Variants in SH3BGRL2 observed in about 807,000 individuals in gnomAD.
The protein encoded by SH3BGRL2 is SH3 domain-binding glutamic acid-rich-like protein 2.
In SH3BGRL2, 21 loss-of-function variants were observed where a neutral mutation model predicts 14.8. That is an observed-to-expected ratio of 1.42 (90% CI 1.01 to 2.05). The LOEUF is 2.05. SH3BGRL2 is among the 30% of genes most tolerant of loss of function. The pLI, the probability that SH3BGRL2 is intolerant of heterozygous loss-of-function variation, is 0.00. For missense variants in SH3BGRL2, 147 were observed against 130.8 expected, an observed-to-expected ratio of 1.12 and a Z score of -0.61; for synonymous variants, 50 against 47.8, an observed-to-expected ratio of 1.05 and a Z score of -0.19.
At chr6:79,594,153 T>G in the SH3BGRL2 span, among the ~76,000 whole-genome samples, 3 of 152,180 alleles carry the variant, frequency 2.0e-5, no homozygotes, top group African/African-American at 4.8e-5. Flanking sequence ...TATTATAATT[T>G]AAAATGTTTT....
chr6:79,596,463 T>C, the SH3BGRL2 span, among the ~76,000 whole-genome samples: 2 of 151,574 alleles, frequency 1.3e-5, no homozygotes, highest in Non-Finnish European at 2.9e-5. Flanking sequence ...GCTGATTTGT[T>C]AAAAATTTTT....
the SH3BGRL2 span, among the ~76,000 whole-genome samples, chr6:79,582,536 A>G: frequency 3.3e-5 from 5 of 152,344 alleles, no homozygotes; most frequent in African/African-American, 1.2e-4. Context: ...GCAATGGGAA[A>G]AGGATTCCCT....
At chr6:79,593,834 T>C in the SH3BGRL2 span, among the ~76,000 whole-genome samples, 1 of 152,094 alleles carries the variant, frequency 6.6e-6, no homozygotes, top group African/African-American at 2.4e-5. Flanking sequence ...CCATTTACAA[T>C]CAGCCATCTC....
intron 1 of SH3BGRL2, among the ~76,000 whole-genome samples, chr6:79,657,971 G>A (rs1252574674): frequency 2.0e-5 from 3 of 152,112 alleles, no homozygotes; most frequent in African/African-American, 4.8e-5. Context: ...TTTGTTAGTA[G>A]TGGATTAGAT....
chr6:79,606,856 A>C, the SH3BGRL2 span, among the ~76,000 whole-genome samples: 5 of 151,962 alleles, frequency 3.3e-5, no homozygotes, highest in East Asian at 9.6e-4. Flanking sequence ...TTTCAGCTTT[A>C]GACATTCATT....
the SH3BGRL2 span, among the ~76,000 whole-genome samples, chr6:79,578,019 T>G: frequency 6.6e-6 from 1 of 152,344 alleles, no homozygotes; most frequent in South Asian, 2.1e-4. Context: ...TGCACACTGC[T>G]AGCGCAGCAG....
chr6:79,698,130 C>T (rs1770370324), intron 3 of SH3BGRL2, among the ~76,000 whole-genome samples: 1 of 152,048 alleles, frequency 6.6e-6, no homozygotes, highest in Non-Finnish European at 1.5e-5. Context: ...CCCCATTCAG[C>T]CCACCGTTTT....
chr6:79,694,436 A>T (rs1198400755), intron 2 of SH3BGRL2, among the ~76,000 whole-genome samples: 1 of 152,070 alleles, frequency 6.6e-6, no homozygotes, highest in African/African-American at 2.4e-5. Context: ...AGAATGTAAC[A>T]TTTTCAGTCC....
intron 1 of SH3BGRL2, among the ~76,000 whole-genome samples, chr6:79,660,050 G>A (rs868191597): frequency 6.6e-6 from 1 of 152,164 alleles, no homozygotes; most frequent in Non-Finnish European, 1.5e-5. Flanking sequence ...CTGAGACGAT[G>A]GGGTTTTCTA....
chr6:79,579,112 A>G, the SH3BGRL2 span, among the ~76,000 whole-genome samples: 3 of 152,304 alleles, frequency 2.0e-5, no homozygotes, highest in East Asian at 5.8e-4. Context: ...AAAAAAGAGT[A>G]AAAAGAAACA....
the SH3BGRL2 span, among the ~76,000 whole-genome samples, chr6:79,610,456 A>C: frequency 6.6e-6 from 1 of 152,216 alleles, no homozygotes; most frequent in Admixed American, 6.5e-5. Context: ...TGCCTTACGC[A>C]CAACAGGGCC....
chr6:79,630,179 C>A (rs1483117349), upstream of SH3BGRL2, among the ~76,000 whole-genome samples: 1 of 152,104 alleles, frequency 6.6e-6, no homozygotes, highest in African/African-American at 2.4e-5. Flanking sequence ...ACAGAAATGG[C>A]TTTAAGAAAA....
At chr6:79,555,680 T>G in the SH3BGRL2 span, among the ~76,000 whole-genome samples, 1 of 152,094 alleles carries the variant, frequency 6.6e-6, no homozygotes, top group Non-Finnish European at 1.5e-5. Context: ...CAGCTAATTT[T>G]TGTATTTTTA....
At position 79,671,747 on chromosome 6, in the gene SH3BGRL2, TGTTTCTCTAA is replaced by T. The variant is rs541010514; in HGVS notation, c.46-1863_46-1854del. The stretch of plus-strand genomic sequence containing the variant: ...CTGGGCCCCGCCCAGTAGGCTGATG[TGTTTCTCTAA>T]GTTCCTGCTTCCTGAACTGCCTGCC... On this transcript the variant is annotated intron_variant, in intron 1 of 3. Coordinates refer to ENST00000369838, the MANE Select transcript of SH3BGRL2 (RefSeq NM_031469.4). 1.6e-3 allele frequency among the ~76,000 whole-genome samples: 244 copies of T among 152,328 alleles called. 1 individual carries two copies. The highest frequency in any genetic ancestry group is 5.7e-3 in the African/African-American group (235 of 41,574).
the SH3BGRL2 span, among the ~76,000 whole-genome samples, chr6:79,596,295 G>T: frequency 6.6e-6 from 1 of 152,108 alleles, no homozygotes; most frequent in Non-Finnish European, 1.5e-5. Flanking sequence ...AAGTAGCTGG[G>T]ACTACAGGCA....
At chr6:79,640,226 G>A (rs1769003436) in intron 1 of SH3BGRL2, among the ~76,000 whole-genome samples, 2 of 152,122 alleles carry the variant, frequency 1.3e-5, no homozygotes, top group African/African-American at 4.8e-5. Flanking sequence ...TTTCCCTTCT[G>A]TCTCCCTCTC....
chr6:79,639,596 A>G (rs1768992313), intron 1 of SH3BGRL2, among the ~76,000 whole-genome samples: 1 of 152,166 alleles, frequency 6.6e-6, no homozygotes, highest in African/African-American at 2.4e-5. Flanking sequence ...TCTCAGACAA[A>G]CAAACCCCAA....
the SH3BGRL2 span, among the ~76,000 whole-genome samples, chr6:79,573,101 T>C: frequency 1.3e-5 from 2 of 152,346 alleles, no homozygotes; most frequent in African/African-American, 2.4e-5. Context: ...AATATTCTTC[T>C]ATACTTTATT....
chr6:79,582,560 T>G, the SH3BGRL2 span, among the ~76,000 whole-genome samples: 18 of 152,298 alleles, frequency 1.2e-4, no homozygotes, highest in African/African-American at 3.6e-4. Context: ...TAATAAGTGG[T>G]GCTGGAAAAA....
Sources: gnomAD v4.1 joint callset for allele counts (sites outside exome capture counted in the v4.1 genomes callset) on GRCh38, gnomAD v4.1.1 for gene constraint, MANE v1.5 for transcripts, NCBI Gene and HGNC (gene_info 2026-07-23, HGNC 2026-07-21) for gene names.